Variants in ZNF628 observed in about 807,000 individuals in gnomAD.
ZNF628 encodes the protein zinc finger protein Zec.
Under a neutral mutation model 2.5 loss-of-function variants are expected in ZNF628, and 3 were observed. The ratio of observed to expected loss-of-function variants is 1.19; its 90% CI spans 0.54 to 3.07. The LOEUF is 3.07. Among genes scored for constraint, ZNF628 ranks in the 30% most tolerant of loss-of-function variants. The pLI is 0.03. For synonymous variants in ZNF628, 861 were observed against 717.1 expected, an observed-to-expected ratio of 1.20 and a Z score of -3.21; for missense variants, 1,610 against 1,517.1, an observed-to-expected ratio of 1.06 and a Z score of -1.02.
rs1473643955 is a variant in ZNF628, at chr19:55,483,959, C to T, written c.2766C>T (p.Val922=). 4 of 1,572,136 alleles carry T rather than the reference C, an allele frequency of 2.5e-6. No homozygotes were observed. Among genetic ancestry groups the T allele is most frequent in the Non-Finnish European group, 3.5e-6 (4 of 1,157,332 alleles). ...GEASTGVVQD[V]LFETLQTDEG... ...CCAGCACTGGTGTGGTCCAGGATGT[C>T]CTCTTTGAGACACTCCAGACGGACG... is the stretch of plus-strand genomic sequence containing the variant. Residue 922 remains valine, a synonymous_variant, in exon 3 of 3, where the codon GTC becomes GTT. Transcript: ENST00000598519.
At position 55,483,783 on chromosome 19, in the gene ZNF628, A is replaced by G. The variant is rs150319373; in HGVS notation, c.2590A>G (p.Thr864Ala). ...VQLQPAQEVTTVQLQPVAGQL... is the reference protein window; with the variant it reads ...VQLQPAQEVTAVQLQPVAGQL... ...GCTCCAGCCAGCACAGGAGGTGACC[A>G]CGGTCCAGCTCCAGCCCGTGGCCGG... Residue 864 changes from threonine to alanine, a missense_variant, in exon 3 of 3, where the codon ACG (threonine) becomes GCG (alanine). This residue lies in a region of ZNF628 where 712 missense variants were observed against 603.6 expected (regional missense o/e 1.18). Transcript: ENST00000598519. The G allele has an allele frequency of 7.8e-4, 1,266 of 1,613,726 alleles. 3 individuals are homozygous for G. The highest frequency in any genetic ancestry group is 1.6e-3 in the Admixed American group (95 of 59,998).
chr19:55,483,811 A>G lies in ZNF628; in HGVS notation c.2618A>G (p.Gln873Arg). Residue 873 changes from glutamine to arginine, a missense_variant, in exon 3 of 3, where the codon CAG becomes CGG. Gln to Arg is a conservative substitution (Grantham distance 43). Transcript: ENST00000598519. The part of the protein sequence containing the change: ...TTVQLQPVAG[Q>R]LSNSSGGAVA... The stretch of plus-strand genomic sequence containing the variant: ...GTCCAGCTCCAGCCCGTGGCCGGCC[A>G]GCTCTCCAATTCCAGTGGGGGAGCT... 9.3e-6 allele frequency: 15 copies of G among 1,613,690 alleles called. No homozygotes were observed. The highest frequency in any genetic ancestry group is 3.3e-4 in the Middle Eastern group (2 of 6,062).
At position 55,483,911 on chromosome 19, in the gene ZNF628, CGGGGAGGCG is replaced by C. The variant is rs1986829921; in HGVS notation, c.2724_2732del (p.Glu908_Gly910del). The stretch of plus-strand genomic sequence containing the variant: ...AGGAGTTGCTCACTGGCCCGGGCCC[CGGGGAGGCG>C]GGGGATGGCGAGGCCAGCACTGGTG... On this transcript the variant is annotated inframe_deletion, in exon 3 of 3. Transcript: ENST00000598519. 1.3e-6 allele frequency: 2 copies of C among 1,584,770 alleles called. No homozygotes were observed. Among genetic ancestry groups the C allele is most frequent in the African/African-American group, 2.7e-5 (2 of 74,520 alleles).
Position 55,482,538 on chromosome 19 carries a change from T to G in ZNF628, c.1345T>G (p.Ser449Ala), listed in dbSNP as rs1277134606. ...GCCGCCACCCCCGTCCGCCCCCGCT[T>G]CTGCGGAGCGGCCCTACAAATGTGC... ...VPPPPPSAPA[S>A]AERPYKCAEC... Residue 449 changes from serine (S) to alanine (A), a missense_variant, in exon 3 of 3, where the codon TCT becomes GCT. Physicochemically the swap from Ser to Ala is moderately conservative, Grantham distance 99 (BLOSUM62 1). Transcript: ENST00000598519. 1 of 1,554,362 alleles carries G rather than the reference T, an allele frequency of 6.4e-7. No homozygotes were observed. Among genetic ancestry groups the G allele is most frequent in the Non-Finnish European group, 8.6e-7 (1 of 1,156,888 alleles).
chr19:55,481,485 C>T lies in ZNF628; in HGVS notation c.292C>T (p.Pro98Ser). The T allele has an allele frequency of 6.2e-7, 1 of 1,612,378 alleles. No homozygotes were observed. The highest frequency in any genetic ancestry group is 1.3e-5 in the African/African-American group (1 of 74,702). ...GCGGCCCTACCAGTGCCCCGACTGT[C>T]CCAAGGCCTTCAAGCGCTCCTCTCT... The part of the protein sequence containing the change: ...GERPYQCPDC[P>S]KAFKRSSLLQ... The change falls in exon 3 of 3, where the codon CCC becomes TCC. Residue 98 changes from proline (P) to serine (S), a missense_variant. Coordinates refer to ENST00000598519, the MANE Select transcript of ZNF628 (RefSeq NM_033113.3).
rs765009829 is a variant in ZNF628, at chr19:55,481,344, C to T, written c.151C>T (p.Leu51Phe). The T allele has an allele frequency of 6.2e-7, 1 of 1,612,678 alleles. No individual in the cohort carries two copies. The change falls in exon 3 of 3, where the codon CTC becomes TTC. Residue 51 changes from leucine (L) to phenylalanine (F), a missense_variant. By Grantham distance (22) the Leu-to-Phe change is conservative. Coordinates refer to ENST00000598519, the MANE Select transcript of ZNF628 (RefSeq NM_033113.3). ...CGKSFRWSSR[L>F]LHHQRTHTGE... is the part of the protein sequence containing the mutation. ...CAAGTCATTCCGGTGGTCGTCCCGG[C>T]TCCTGCACCACCAGCGCACGCACAC...
chr19:55,484,386 A>AT lies in ZNF628; in HGVS notation c.*15dup, dbSNP rs964251930. ...GCACACGTTTTGAGGAGAGGCAGTGATTCCCCTCCCGCCCCGCACAGAGAC... is the reference window on the plus strand; with the variant it reads ...GCACACGTTTTGAGGAGAGGCAGTGATTTCCCCTCCCGCCCCGCACAGAGAC... On this transcript the variant is annotated 3_prime_UTR_variant, in exon 3 of 3. Coordinates refer to ENST00000598519, the MANE Select transcript of ZNF628 (RefSeq NM_033113.3). 6 of 1,438,122 alleles carry AT rather than the reference A, an allele frequency of 4.2e-6. No individual in the cohort carries two copies. In the African/African-American group the frequency reaches 8.6e-5, roughly 21 times the overall value. The allele number at this position is 1,438,122 out of a possible 1,614,324, so 89.1% of individuals were successfully genotyped here. A position where few individuals can be genotyped will look rare whatever the true frequency, so the allele number is the denominator to read the frequency against.
In ZNF628 at chr19:55,482,392, G is replaced by A. The variant is rs1240671082; in HGVS notation, c.1199G>A (p.Ser400Asn). ...SCDGSFPQLA[S>N]LLAHQQCHVE... Reference sequence around the variant, plus strand: ...GACGGCTCCTTCCCGCAGCTGGCCAGCCTCCTGGCGCATCAGCAGTGCCAC... The same window carrying A: ...GACGGCTCCTTCCCGCAGCTGGCCAACCTCCTGGCGCATCAGCAGTGCCAC... Residue 400 changes from serine to asparagine, a missense_variant, in exon 3 of 3, where the codon AGC becomes AAC. Physicochemically the swap from Ser to Asn is conservative, Grantham distance 46. Coordinates refer to ENST00000598519, the MANE Select transcript of ZNF628 (RefSeq NM_033113.3). 1 of 1,409,702 alleles carries A rather than the reference G, an allele frequency of 7.1e-7. No individual in the cohort carries two copies. Among genetic ancestry groups the A allele is most frequent in the Non-Finnish European group, 9.2e-7 (1 of 1,085,302 alleles). The allele number at this position is 1,409,702 out of a possible 1,614,324, so 87.3% of individuals were successfully genotyped here. A position where few individuals can be genotyped will look rare whatever the true frequency, so the allele number is the denominator to read the frequency against.
At position 55,484,091 on chromosome 19, in the gene ZNF628, C is replaced by T. The variant is rs987452695; in HGVS notation, c.2898C>T (p.Ala966=). Residue 966 remains alanine (A), a synonymous_variant, in exon 3 of 3, where the codon GCC becomes GCT. Coordinates refer to ENST00000598519, the MANE Select transcript of ZNF628 (RefSeq NM_033113.3). ...CTCCTGGGCTGACGGAGCCGCCTGC[C>T]ACCGGCCCACCCGGACAGAAACTCC... The part of the protein sequence containing the change: ...TLPPGLTEPP[A]TGPPGQKLLI... 5 of 1,592,388 alleles carry T rather than the reference C, an allele frequency of 3.1e-6. No individual in the cohort carries two copies. Among genetic ancestry groups the T allele is most frequent in the Non-Finnish European group, 4.3e-6 (5 of 1,171,162 alleles).
intron 2 of ZNF628, among the ~76,000 whole-genome samples, 178 bp from the exon 3 acceptor site, chr19:55,481,023 C>T (rs1209938607): frequency 6.6e-6 from 1 of 152,196 alleles, no homozygotes; most frequent in Non-Finnish European, 1.5e-5. Flanking sequence ...GCATCGCTGG[C>T]ACCTGCTCAA....
At chr19:55,478,878 T>C (rs867670226) in intron 1 of ZNF628, among the ~76,000 whole-genome samples, 2 of 151,688 alleles carry the variant, frequency 1.3e-5, no homozygotes, top group African/African-American at 2.4e-5. Flanking sequence ...AAGCTATGGG[T>C]GGAGTAGAAG....
chr19:55,481,705 C>G lies in ZNF628; in HGVS notation c.512C>G (p.Thr171Ser). The change falls in exon 3 of 3, where the codon ACC becomes AGC. Residue 171 changes from threonine to serine, a missense_variant. Physicochemically the swap from Thr to Ser is moderately conservative, Grantham distance 58. Transcript: ENST00000598519. ...SSLRRHRHVH[T>S]GERPYTCGVC... ...CTGCGGCGCCACCGCCACGTGCACA[C>G]CGGCGAGCGGCCCTACACCTGTGGA... The G allele has an allele frequency of 6.2e-6, 10 of 1,612,944 alleles. No homozygotes were observed. Among genetic ancestry groups the G allele is most frequent in the Non-Finnish European group, 8.5e-6 (10 of 1,179,546 alleles).
Position 55,479,861 on chromosome 19 carries a change from C to T in ZNF628, c.-50C>T. On this transcript the variant is annotated 5_prime_UTR_variant, in exon 2 of 3. Transcript: ENST00000598519. The surrounding 1 kb of genome is among the most constrained non-coding windows in gnomAD (Gnocchi z 5.1). ...GCATGATCAAGGACAGGGTTGCCTGCCAAGAACAGGAGGGGAGAGGAGGGG... is the reference window on the plus strand; with the variant it reads ...GCATGATCAAGGACAGGGTTGCCTGTCAAGAACAGGAGGGGAGAGGAGGGG... The T allele has an allele frequency of 2.5e-6, 1 of 400,522 alleles. No individual in the cohort carries two copies. Among genetic ancestry groups the T allele is most frequent in the African/African-American group, 2.0e-5 (1 of 48,782 alleles). 24.8% of individuals were successfully genotyped at this position (400,522 alleles called of 1,614,324 possible).
In ZNF628 at chr19:55,484,103, C is replaced by T. The variant is rs201753642; in HGVS notation, c.2910C>T (p.Pro970=). The stretch of plus-strand genomic sequence containing the variant: ...CGGAGCCGCCTGCCACCGGCCCACC[C>T]GGACAGAAACTCCTCATCATCCGCA... ...GLTEPPATGP[P]GQKLLIIRSA... is the part of the protein sequence containing the mutation. Residue 970 remains proline (P), a synonymous_variant, in exon 3 of 3, where the codon CCC becomes CCT. Coordinates refer to ENST00000598519, the MANE Select transcript of ZNF628 (RefSeq NM_033113.3). The T allele has an allele frequency of 2.3e-5, 36 of 1,592,878 alleles. No homozygotes were observed. The highest frequency in any genetic ancestry group is 3.0e-5 in the Non-Finnish European group (35 of 1,171,466).
rs141484540 is a variant in ZNF628, at chr19:55,484,043, C to T, written c.2850C>T (p.Cys950=). 144 of 1,594,464 alleles carry T rather than the reference C, an allele frequency of 9.0e-5. No individual in the cohort carries two copies. Among genetic ancestry groups the T allele is most frequent in the Non-Finnish European group, 1.2e-4 (140 of 1,171,240 alleles). The change falls in exon 3 of 3, where the codon TGC becomes TGT. Residue 950 remains cysteine, a synonymous_variant. Coordinates refer to ENST00000598519, the MANE Select transcript of ZNF628 (RefSeq NM_033113.3). ...CCGATGGCGAACAGACTCGACTCTGCGTACAGGAGGTAGAAACACTTCCTC... is the reference window on the plus strand; with the variant it reads ...CCGATGGCGAACAGACTCGACTCTGTGTACAGGAGGTAGAAACACTTCCTC... ...SGADGEQTRL[C]VQEVETLPPG...
rs780610790 is a variant in ZNF628, at chr19:55,484,252, C to T, written c.3059C>T (p.Ala1020Val). ...SGPAGLPGAP[A>V]SQMVQVVPAG... Reference sequence around the variant, plus strand: ...CCCGCGGGGCTCCCCGGGGCTCCAGCCTCCCAGATGGTGCAAGTGGTCCCC... The same window carrying T: ...CCCGCGGGGCTCCCCGGGGCTCCAGTCTCCCAGATGGTGCAAGTGGTCCCC... The change falls in exon 3 of 3, where the codon GCC becomes GTC. Residue 1020 changes from alanine to valine, a missense_variant. By Grantham distance (64) the Ala-to-Val change is moderately conservative. This residue lies in a region of ZNF628 where 712 missense variants were observed against 603.6 expected (regional missense o/e 1.18). Coordinates refer to ENST00000598519, the MANE Select transcript of ZNF628 (RefSeq NM_033113.3). 1 of 1,548,360 alleles carries T rather than the reference C, an allele frequency of 6.5e-7. No individual in the cohort carries two copies. Among genetic ancestry groups the T allele is most frequent in the African/African-American group, 1.4e-5 (1 of 73,060 alleles).
chr19:55,482,671 G>T lies in ZNF628; in HGVS notation c.1478G>T (p.Arg493Leu). The T allele has an allele frequency of 6.2e-7, 1 of 1,610,522 alleles. No individual in the cohort carries two copies. Among genetic ancestry groups the T allele is most frequent in the Admixed American group, 1.7e-5 (1 of 59,776 alleles). Residue 493 changes from arginine (R) to leucine (L), a missense_variant, in exon 3 of 3, where the codon CGC becomes CTC. Physicochemically the swap from Arg to Leu is moderately radical, Grantham distance 102. Around this residue, in one of 5 missense-constraint regions of ZNF628, gnomAD observed 651 missense variants for 575.6 expected, o/e 1.13. Coordinates refer to ENST00000598519, the MANE Select transcript of ZNF628 (RefSeq NM_033113.3). ...GGCGAGTGCGGCAAGGCCTTCAAGC[G>T]CTCCTCCCTGCTGGCCATCCACCAG... is the stretch of plus-strand genomic sequence containing the variant. ...QCGECGKAFKRSSLLAIHQRV... is the reference protein window; with the variant it reads ...QCGECGKAFKLSSLLAIHQRV...
chr19:55,482,520 C>G lies in ZNF628; in HGVS notation c.1327C>G (p.Pro443Ala), dbSNP rs1208213684. 3 of 1,497,282 alleles carry G rather than the reference C, an allele frequency of 2.0e-6. No individual in the cohort carries two copies. The highest frequency in any genetic ancestry group is 2.7e-6 in the Non-Finnish European group (3 of 1,128,228). The allele number at this position is 1,497,282 out of a possible 1,614,324, so 92.7% of individuals were successfully genotyped here. Reference protein sequence around the residue: ...LAPAAPVPPPPPSAPASAERP... With the variant: ...LAPAAPVPPPAPSAPASAERP... ...GCCTGCCGCCCCCGTCCCGCCGCCA[C>G]CCCCGTCCGCCCCCGCTTCTGCGGA... Residue 443 changes from proline (P) to alanine (A), a missense_variant, in exon 3 of 3, where the codon CCC (proline) becomes GCC (alanine). Around this residue, in one of 5 missense-constraint regions of ZNF628, gnomAD observed 651 missense variants for 575.6 expected, o/e 1.13. Transcript: ENST00000598519.
At position 55,482,900 on chromosome 19, in the gene ZNF628, T is replaced by TGTCTGCGGC. The variant is rs1470185836; in HGVS notation, c.1708_1716dup (p.Val570_Gly572dup). The TGTCTGCGGC allele has an allele frequency of 6.2e-7, 1 of 1,607,162 alleles. No homozygotes were observed. The highest frequency in any genetic ancestry group is 1.3e-5 in the African/African-American group (1 of 74,730). On this transcript the variant is annotated inframe_insertion, in exon 3 of 3. Coordinates refer to ENST00000598519, the MANE Select transcript of ZNF628 (RefSeq NM_033113.3). ...CTGGCGAGAGGCCCCACGCCTGCGG[T>TGTCTGCGGC]GTCTGCGGCAAGAGCTTCGCGCAGA...
Sources: gnomAD v4.1 joint callset for allele counts (sites outside exome capture counted in the v4.1 genomes callset) on GRCh38, gnomAD v4.1.1 for gene constraint, gnomAD v4.1.1 regional missense constraint, Gnocchi (gnomAD v3.1) non-coding constraint, MANE v1.5 for transcripts, NCBI Gene and HGNC (gene_info 2026-07-23, HGNC 2026-07-21) for gene names.